RPAP3: variants seen among roughly 807,000 people sequenced by gnomAD.
The protein encoded by RPAP3 is RNA polymerase II associated protein 3, also known as RNA polymerase II-associated protein 3.
A neutral mutation model predicts 88.8 loss-of-function variants in RPAP3; 58 were observed. The ratio of observed to expected loss-of-function variants is 0.65; its 90% CI spans 0.53 to 0.81. The LOEUF is 0.81. Among genes scored for constraint, RPAP3 ranks in the 40% least tolerant of loss-of-function variants. The pLI is 0.00. For missense variants in RPAP3, 751 were observed against 764.3 expected (o/e 0.98, Z 0.20); for synonymous variants, 255 against 259.9 (o/e 0.98, Z 0.18).
rs150689330 is a variant in RPAP3 at position 47,686,868 on chromosome 12, T to C, written c.904A>G (p.Ile302Val). 1.9e-6 allele frequency: 3 copies of C among 1,604,084 alleles called. No homozygotes were observed. The highest frequency in any genetic ancestry group is 2.7e-5 in the African/African-American group (2 of 74,688). ...FFKEGKYERA[I>V]ECYTRGIAAD... ...GCTATCCCTCGAGTATAGCATTCAA[T>C]TGCTCTTTCATATTTCCCCTCTTTG... is the stretch of plus-strand genomic sequence containing the variant. The change falls in exon 9 of 17, where the codon ATT becomes GTT. Residue 302 changes from isoleucine (I) to valine (V), a missense_variant. Physicochemically the swap from Ile to Val is conservative, Grantham distance 29 (BLOSUM62 3). Transcript: ENST00000005386.
chr12:47,679,530 A>C lies in RPAP3; in HGVS notation c.1250T>G (p.Val417Gly). ...ATGCGGTGGATTATCAATGGGTTTT[A>C]CCACATTTTGTCTTTGTGTGGAATC... ...FLDSTQRQNVVKPIDNPPHPG... is the reference protein window; with the variant it reads ...FLDSTQRQNVGKPIDNPPHPG... The change falls in exon 12 of 17, where the codon GTA becomes GGA. Residue 417 changes from valine (V) to glycine (G), a missense_variant. Coordinates refer to ENST00000005386, the MANE Select transcript of RPAP3 (RefSeq NM_024604.3). 1 of 1,606,386 alleles carries C rather than the reference A, an allele frequency of 6.2e-7. No homozygotes were observed. The highest frequency in any genetic ancestry group is 8.5e-7 in the Non-Finnish European group (1 of 1,175,566).
intron 14 of RPAP3, among the ~76,000 whole-genome samples, chr12:47,668,570 A>C (rs1256151438): frequency 6.6e-6 from 1 of 152,188 alleles, no homozygotes; most frequent in African/African-American, 2.4e-5. Context: ...TCTTAAAGCA[A>C]ATATTAGAAG....
At chr12:47,698,801 C>G (rs1320614448) in intron 3 of RPAP3, among the ~76,000 whole-genome samples, 1 of 152,150 alleles carries the variant, frequency 6.6e-6, no homozygotes. Context: ...CGTAAGCCAC[C>G]GTGACGACCA....
chr12:47,664,622 T>C (rs2136601826), intron 16 of RPAP3: 1 of 152,300 alleles, frequency 6.6e-6, no homozygotes, highest in South Asian at 2.1e-4. Context: ...CTAAGCGCTT[T>C]CCATGTTTAA....
intron 3 of RPAP3, among the ~76,000 whole-genome samples, chr12:47,700,510 T>C (rs1939635129): frequency 6.6e-6 from 1 of 152,224 alleles, no homozygotes; most frequent in South Asian, 2.1e-4. Context: ...ATATTCCAAA[T>C]TCATCAGTTG....
chr12:47,692,222 A>G (rs1170393638), intron 5 of RPAP3, among the ~76,000 whole-genome samples: 1 of 152,206 alleles, frequency 6.6e-6, no homozygotes, highest in Non-Finnish European at 1.5e-5. Context: ...CTAACAAGAG[A>G]GAGAATCAGA....
At chr12:47,677,269 A>G (rs1448564934) in intron 12 of RPAP3, among the ~76,000 whole-genome samples, 1 of 152,174 alleles carries the variant, frequency 6.6e-6, no homozygotes, top group Non-Finnish European at 1.5e-5. Flanking sequence ...ATTTATGACA[A>G]ACCCACAGCC....
intron 3 of RPAP3, chr12:47,700,164 A>G (rs1317506672): frequency 6.6e-6 from 1 of 151,992 alleles, no homozygotes; most frequent in Non-Finnish European, 1.5e-5. Flanking sequence ...ACAGGTGTAC[A>G]CTTGAGTAAA....
rs139987705 is a variant in RPAP3, at chr12:47,690,551, A to G, written c.634T>C (p.Phe212Leu). 3 of 1,603,692 alleles carry G rather than the reference A, an allele frequency of 1.9e-6. No homozygotes were observed. In the African/African-American group the frequency reaches 4.0e-5, roughly 21 times the overall value. ...GCCTCTTCTAATTTTTGCAAAGCAAATCGAGCAGCACCTCGTCTGGAATAA... is the reference window on the plus strand; with the variant it reads ...GCCTCTTCTAATTTTTGCAAAGCAAGTCGAGCAGCACCTCGTCTGGAATAA... ...KAYSRRGAARFALQKLEEAKK... is the reference protein window; with the variant it reads ...KAYSRRGAARLALQKLEEAKK... The change falls in exon 6 of 17, where the codon TTT (phenylalanine) becomes CTT (leucine). Residue 212 changes from phenylalanine (F) to leucine (L), a missense_variant. Physicochemically the swap from Phe to Leu is conservative, Grantham distance 22 (BLOSUM62 0). Transcript: ENST00000005386.
chr12:47,703,567 C>CA (rs1939701645), intron 1 of RPAP3, among the ~76,000 whole-genome samples: 1 of 152,056 alleles, frequency 6.6e-6, no homozygotes, highest in Non-Finnish European at 1.5e-5. Flanking sequence ...GAACTGACTG[C>CA]AAAAAATAGG....
At chr12:47,691,202 T>C (rs1939421122) in intron 5 of RPAP3, among the ~76,000 whole-genome samples, 2 of 152,352 alleles carry the variant, frequency 1.3e-5, no homozygotes, top group East Asian at 1.9e-4. Context: ...TAAGTTTATA[T>C]AATGTTCTAA....
intron 1 of RPAP3, among the ~76,000 whole-genome samples, chr12:47,704,568 G>A (rs1939737380): frequency 6.6e-6 from 1 of 151,562 alleles, no homozygotes; most frequent in Admixed American, 6.6e-5. Flanking sequence ...AGTAGAGACG[G>A]GGTTTCACCA....
rs916413198 is a variant in RPAP3, at chr12:47,668,977, T to C, written c.1652A>G (p.Gln551Arg). ...CAATTGTCTGAAATCAGATTCGAGC[T>C]GGAACGAGTTTGCAGGAATTGGAGG... ...VLPPIPANSF[Q>R]LESDFRQLKS... The change falls in exon 14 of 17, where the codon CAG (glutamine) becomes CGG (arginine). Residue 551 changes from glutamine to arginine, a missense_variant. Gln to Arg is a conservative substitution (Grantham distance 43). Transcript: ENST00000005386. The C allele has an allele frequency of 2.5e-6, 4 of 1,614,086 alleles. No homozygotes were observed. Among genetic ancestry groups the C allele is most frequent in the Non-Finnish European group, 3.4e-6 (4 of 1,179,956 alleles).
intron 15 of RPAP3, among the ~76,000 whole-genome samples, chr12:47,667,544 C>A (rs1938904819): frequency 1.3e-5 from 2 of 152,166 alleles, no homozygotes; most frequent in South Asian, 4.1e-4. Flanking sequence ...AGTAAATTCT[C>A]ACTTAACATC....
At chr12:47,669,917 AAAT>A (rs776201684) in intron 13 of RPAP3, among the ~76,000 whole-genome samples, 187 bp downstream of exon 13, 83 of 152,230 alleles carry the variant, frequency 5.5e-4, no homozygotes, top group Non-Finnish European at 1.9e-4. Context: ...GTTAAAAAAA[AAAT>A]AGTAATCATT....
chr12:47,702,502 C>T (rs1483075215), intron 2 of RPAP3, among the ~76,000 whole-genome samples, 186 bp downstream of exon 2: 2 of 151,894 alleles, frequency 1.3e-5, no homozygotes, highest in African/African-American at 4.8e-5. Context: ...TGCAGTGAGC[C>T]GAGATCGCGC....
At chr12:47,684,974 T>C (rs1214352357) in intron 9 of RPAP3, among the ~76,000 whole-genome samples, 1 of 152,194 alleles carries the variant, frequency 6.6e-6, no homozygotes, top group Non-Finnish European at 1.5e-5. Context: ...ATGTGGAAAC[T>C]TGTTTAGGAA....
At chr12:47,666,110 TAAAAAGAAAA>T (rs1938869311) in intron 16 of RPAP3, among the ~76,000 whole-genome samples, 1 of 151,834 alleles carries the variant, frequency 6.6e-6, no homozygotes, top group African/African-American at 2.4e-5. Context: ...TGCTAATTAT[TAAAAAGAAAA>T]AAAAAGACAC....
rs767779605 is a variant in RPAP3 at position 47,701,587 on chromosome 12, T to G, written c.171A>C (p.Arg57=). The G allele has an allele frequency of 4.4e-5, 70 of 1,593,188 alleles. 1 individual carries two copies. In the South Asian group the frequency reaches 7.8e-4, roughly 18 times the overall value. The part of the protein sequence containing the change: ...GVPEENLPPI[R]NGNFRKKKKG... ...TCTTCTTTTTCCTAAAATTCCCATTTCGAATAGGAGGTAAATTCTAAGGAG... is the reference window on the plus strand; with the variant it reads ...TCTTCTTTTTCCTAAAATTCCCATTGCGAATAGGAGGTAAATTCTAAGGAG... Residue 57 remains arginine (R), a synonymous_variant, in exon 3 of 17, where the codon CGA becomes CGC. Coordinates refer to ENST00000005386, the MANE Select transcript of RPAP3 (RefSeq NM_024604.3).
Sources: allele counts gnomAD v4.1 joint callset (sites outside exome capture counted in the v4.1 genomes callset), GRCh38; gene constraint gnomAD v4.1.1; transcripts MANE v1.5; gene names NCBI Gene and HGNC (gene_info 2026-07-23, HGNC 2026-07-21).